CACNA2D3: variants seen among roughly 807,000 people sequenced by gnomAD.
The protein encoded by CACNA2D3 is calcium voltage-gated channel auxiliary subunit alpha2delta 3.
CACNA2D3 carries 60 observed loss-of-function variants against 160.6 expected under a neutral mutation model. The observed-to-expected ratio is 0.37, with a 90% CI of 0.30 to 0.46. The LOEUF (loss-of-function observed/expected upper bound fraction) is 0.46. Among genes scored for constraint, CACNA2D3 ranks in the 20% least tolerant of loss-of-function variants. The pLI is 1.00. For missense variants in CACNA2D3, 1,205 were observed against 1,365.0 expected (o/e 0.88, Z 1.85); for synonymous variants, 558 against 492.9 (o/e 1.13, Z -1.75).
intron 11 of CACNA2D3, among the ~76,000 whole-genome samples, chr3:54,679,667 A>G (rs1700306735): frequency 6.6e-6 from 1 of 152,264 alleles, no homozygotes; most frequent in Admixed American, 6.5e-5. Context: ...CTGACATAGG[A>G]AATAGATTCA....
chr3:54,166,217 T>C (rs1559869167), intron 2 of CACNA2D3, among the ~76,000 whole-genome samples: 1 of 152,188 alleles, frequency 6.6e-6, no homozygotes, highest in Non-Finnish European at 1.5e-5. Flanking sequence ...ATGTAACTGC[T>C]GGGGACTTTT....
chr3:54,685,524 C>T (rs960923226), intron 11 of CACNA2D3, among the ~76,000 whole-genome samples: 1 of 152,208 alleles, frequency 6.6e-6, no homozygotes, highest in Non-Finnish European at 1.5e-5. Context: ...ATGCCTTTTT[C>T]TAGAAGCTGT....
chr3:54,306,816 G>A (rs73093664), intron 2 of CACNA2D3, among the ~76,000 whole-genome samples: 12,782 of 152,262 alleles, frequency 0.084, 763 homozygotes, highest in South Asian at 0.13. Flanking sequence ...GTTACTGTGT[G>A]TGTTAATTTC....
chr3:54,147,143 G>A (rs1700046900), intron 2 of CACNA2D3, among the ~76,000 whole-genome samples: 2 of 152,210 alleles, frequency 1.3e-5, no homozygotes, highest in South Asian at 2.1e-4. Context: ...GGGGGTGAGG[G>A]GACAGCTGGG....
At chr3:54,561,407 A>T (rs1702323053) in intron 5 of CACNA2D3, among the ~76,000 whole-genome samples, 1 of 152,186 alleles carries the variant, frequency 6.6e-6, no homozygotes, top group Non-Finnish European at 1.5e-5. Context: ...AATGCTAGTG[A>T]TATTTTGCAC....
At chr3:54,677,759 C>G (rs1166456063) in intron 11 of CACNA2D3, among the ~76,000 whole-genome samples, 1 of 151,756 alleles carries the variant, frequency 6.6e-6, no homozygotes, top group Non-Finnish European at 1.5e-5. Flanking sequence ...AGTCTCTGAA[C>G]CAAAGAGGAT....
chr3:54,915,291 T>TA (rs1398433731), intron 27 of CACNA2D3, among the ~76,000 whole-genome samples: 3 of 152,212 alleles, frequency 2.0e-5, no homozygotes, highest in Non-Finnish European at 2.9e-5. Context: ...CCCCTTTTTT[T>TA]ATGCCTCACT....
At chr3:54,824,574 A>C (rs559480806) in intron 14 of CACNA2D3, among the ~76,000 whole-genome samples, 1 of 152,324 alleles carries the variant, frequency 6.6e-6, no homozygotes, top group South Asian at 2.1e-4. Context: ...CTTAAGACTA[A>C]CTTGAGTCAG....
intron 17 of CACNA2D3, among the ~76,000 whole-genome samples, chr3:54,863,644 C>G (rs1381061680): frequency 6.6e-6 from 1 of 152,052 alleles, no homozygotes; most frequent in African/African-American, 2.4e-5. Flanking sequence ...GTGTGTGACT[C>G]ATGGCTACCC....
At chr3:54,501,659 A>AT in intron 4 of CACNA2D3, among the ~76,000 whole-genome samples, 1 of 152,022 alleles carries the variant, frequency 6.6e-6, no homozygotes, top group South Asian at 2.1e-4. Context: ...GGCTCAAGCA[A>AT]TCCTCCTGCC....
At chr3:54,610,863 A>T (rs1443446867) in intron 9 of CACNA2D3, among the ~76,000 whole-genome samples, 5 of 152,162 alleles carry the variant, frequency 3.3e-5, no homozygotes, top group Admixed American at 1.3e-4. Context: ...TCCTGACCTC[A>T]GGTGATCCAC....
At chr3:54,575,229 A>G (rs1702561422) in intron 8 of CACNA2D3, among the ~76,000 whole-genome samples, 1 of 152,206 alleles carries the variant, frequency 6.6e-6, no homozygotes, top group South Asian at 2.1e-4. Flanking sequence ...AAAAATATTT[A>G]ATGGAGTCCC....
At chr3:54,592,212 A>G (rs1702873580) in intron 9 of CACNA2D3, among the ~76,000 whole-genome samples, 1 of 152,206 alleles carries the variant, frequency 6.6e-6, no homozygotes, top group African/African-American at 2.4e-5. Flanking sequence ...TCGAAGAGGT[A>G]GTGAGAGGAT....
intron 5 of CACNA2D3, among the ~76,000 whole-genome samples, chr3:54,533,196 C>T (rs1021917574): frequency 6.6e-6 from 1 of 152,188 alleles, no homozygotes; most frequent in African/African-American, 2.4e-5. Flanking sequence ...CAAATCCTGT[C>T]AACCTTAGAG....
intron 4 of CACNA2D3, among the ~76,000 whole-genome samples, chr3:54,416,985 C>T (rs1486352829): frequency 6.6e-6 from 1 of 152,174 alleles, no homozygotes; most frequent in Non-Finnish European, 1.5e-5. Flanking sequence ...CAGTCCCATA[C>T]TCAGAGCTAT....
chr3:54,493,316 G>A (rs7372220), intron 4 of CACNA2D3, among the ~76,000 whole-genome samples: 150,792 of 152,170 alleles, frequency 0.99, 74,727 homozygotes, highest in Middle Eastern at 1. Context: ...AGCTCAGGCA[G>A]TCCACCCGTC....
chr3:54,365,336 C>T (rs1698810508), intron 3 of CACNA2D3, among the ~76,000 whole-genome samples: 2 of 152,256 alleles, frequency 1.3e-5, no homozygotes, highest in African/African-American at 2.4e-5. Flanking sequence ...TGTCTATAAA[C>T]CTCTCAAACT....
chr3:54,227,604 G>A (rs1470538732), intron 2 of CACNA2D3, among the ~76,000 whole-genome samples: 1 of 152,080 alleles, frequency 6.6e-6, no homozygotes, highest in East Asian at 1.9e-4. Context: ...GCCTAGGCTG[G>A]AGTGCAGTGG....
chr3:54,953,422 A>G (rs955581009), intron 27 of CACNA2D3, among the ~76,000 whole-genome samples: 1 of 152,186 alleles, frequency 6.6e-6, no homozygotes, highest in Non-Finnish European at 1.5e-5. Context: ...GGTGAGACTC[A>G]TGAAATTCCC....
Sources: gnomAD v4.1 joint callset for allele counts (sites outside exome capture counted in the v4.1 genomes callset) on GRCh38, gnomAD v4.1.1 for gene constraint, MANE v1.5 for transcripts, NCBI Gene and HGNC (gene_info 2026-07-23, HGNC 2026-07-21) for gene names.